MAGI2: variants seen among roughly 807,000 people sequenced by gnomAD.
MAGI2 encodes the protein membrane-associated guanylate kinase, WW and PDZ domain-containing protein 2.
MAGI2 carries 35 observed loss-of-function variants against 133.3 expected under a neutral mutation model. The observed-to-expected ratio is 0.26, with a 90% CI of 0.20 to 0.35. The LOEUF (loss-of-function observed/expected upper bound fraction) is 0.35. Ranked by LOEUF, MAGI2 falls within the 10% of genes least tolerant of loss-of-function variation. The pLI is 1.00. For synonymous variants in MAGI2, 729 were observed against 710.6 expected (o/e 1.03, Z -0.41); for missense variants, 1,636 against 1,863.4 (o/e 0.88, Z 2.25).
At chr7:78,814,443 C>T (rs1401589729) in intron 2 of MAGI2, among the ~76,000 whole-genome samples, 2 of 152,180 alleles carry the variant, frequency 1.3e-5, no homozygotes, top group Admixed American at 6.5e-5. Context: ...TTAGGATAAG[C>T]CTTCTGAGCT....
At chr7:78,211,755 A>G (rs1000061569) in intron 10 of MAGI2, among the ~76,000 whole-genome samples, 1 of 152,238 alleles carries the variant, frequency 6.6e-6, no homozygotes, top group Admixed American at 6.5e-5. Context: ...TCAACAATTT[A>G]TTGCCACAAC....
chr7:78,794,614 A>C (rs1208780630), intron 2 of MAGI2, among the ~76,000 whole-genome samples: 4 of 152,054 alleles, frequency 2.6e-5, no homozygotes, highest in African/African-American at 7.2e-5. Flanking sequence ...AAAAAAAAAA[A>C]AACAATCCAA....
At chr7:78,953,610 T>C (rs145052510) in intron 2 of MAGI2, among the ~76,000 whole-genome samples, 2 of 152,142 alleles carry the variant, frequency 1.3e-5, no homozygotes, top group African/African-American at 2.4e-5. Context: ...AATATGAAAG[T>C]ACATAAAAAG....
chr7:78,544,941 G>C (rs527964822), intron 3 of MAGI2, among the ~76,000 whole-genome samples: 7 of 151,660 alleles, frequency 4.6e-5, no homozygotes, highest in African/African-American at 1.5e-4. Flanking sequence ...TTACAGGCGT[G>C]AGCCACCGCA....
chr7:79,384,923 T>C (rs1844069681), intron 1 of MAGI2, among the ~76,000 whole-genome samples: 2 of 151,758 alleles, frequency 1.3e-5, no homozygotes. Flanking sequence ...AGTATACTAT[T>C]TCACAGATAG....
chr7:78,677,332 G>A (rs170416), intron 2 of MAGI2, among the ~76,000 whole-genome samples: 49,127 of 150,808 alleles, frequency 0.33, 8,721 homozygotes, highest in African/African-American at 0.46. Context: ...ATAAATGTAT[G>A]GAAGCCTATC....
intron 2 of MAGI2, among the ~76,000 whole-genome samples, chr7:78,744,402 C>A (rs1554551890): frequency 3.3e-5 from 5 of 152,152 alleles, no homozygotes; most frequent in Non-Finnish European, 7.4e-5. Flanking sequence ...TCCAGGAATT[C>A]CACATTTAGT....
At chr7:78,160,658 T>C (rs1431714161) in intron 15 of MAGI2, among the ~76,000 whole-genome samples, 1 of 152,210 alleles carries the variant, frequency 6.6e-6, no homozygotes, top group Non-Finnish European at 1.5e-5. Flanking sequence ...CATGATATGG[T>C]GCATAAGAAT....
intron 6 of MAGI2, among the ~76,000 whole-genome samples, chr7:78,474,918 A>G (rs981774516): frequency 1.3e-5 from 2 of 151,844 alleles, no homozygotes; most frequent in African/African-American, 4.8e-5. Context: ...ACTCACTTAA[A>G]CTATTGGAAA....
intron 2 of MAGI2, among the ~76,000 whole-genome samples, chr7:78,764,073 A>G (rs1175257174): frequency 6.6e-6 from 1 of 152,230 alleles, no homozygotes; most frequent in East Asian, 1.9e-4. Context: ...AGACCAGAGG[A>G]AAAGAATGTT....
At position 78,824,856 on chromosome 7, in the gene MAGI2, G is replaced by A. The variant is rs114291974; in HGVS notation, c.418+182234C>T. On this transcript the variant is annotated intron_variant, in intron 2 of 21. Coordinates refer to ENST00000354212, the MANE Select transcript of MAGI2 (RefSeq NM_012301.4). ...TGATAGACTGGATAAAGAAAATGTCGCATGTATACACCATAGAATACTATG... is the reference window on the plus strand; with the variant it reads ...TGATAGACTGGATAAAGAAAATGTCACATGTATACACCATAGAATACTATG... Among the ~76,000 whole-genome samples the A allele has an allele frequency of 2.7e-3, 405 of 152,198 alleles. 5 individuals are homozygous for A. Among genetic ancestry groups the A allele is most frequent in the African/African-American group, 9.3e-3 (387 of 41,512 alleles).
At chr7:79,058,112 G>A (rs866487485) in intron 1 of MAGI2, among the ~76,000 whole-genome samples, 1 of 151,942 alleles carries the variant, frequency 6.6e-6, no homozygotes, top group Non-Finnish European at 1.5e-5. Flanking sequence ...GGGGGAAGAA[G>A]AACAAAGAAG....
At chr7:78,336,356 G>A (rs1463311695) in intron 9 of MAGI2, among the ~76,000 whole-genome samples, 1 of 152,152 alleles carries the variant, frequency 6.6e-6, no homozygotes, top group Non-Finnish European at 1.5e-5. Flanking sequence ...CAGAAGCACA[G>A]ATATAGAGGT....
chr7:79,289,267 C>G (rs1836271375), intron 1 of MAGI2, among the ~76,000 whole-genome samples: 1 of 152,132 alleles, frequency 6.6e-6, no homozygotes, highest in Non-Finnish European at 1.5e-5. Context: ...TTCTTGATCT[C>G]ATGCTCTCAT....
At chr7:79,451,703 T>C (rs2129208592) in intron 1 of MAGI2, among the ~76,000 whole-genome samples, 1 of 152,294 alleles carries the variant, frequency 6.6e-6, no homozygotes, top group Middle Eastern at 3.4e-3. Context: ...CGTAAAAGCA[T>C]TTCTTAGTAG....
At chr7:78,101,834 A>G (rs1583904650) in intron 20 of MAGI2, among the ~76,000 whole-genome samples, 3 of 152,346 alleles carry the variant, frequency 2.0e-5, no homozygotes, top group East Asian at 1.9e-4. Context: ...TTGAACTAGC[A>G]TATGATCCAG....
chr7:78,501,645 C>G lies in MAGI2; in HGVS notation c.897G>C (p.Glu299Asp). 1 of 1,614,162 alleles carries G rather than the reference C, an allele frequency of 6.2e-7. No individual in the cohort carries two copies. The highest frequency in any genetic ancestry group is 1.1e-5 in the South Asian group (1 of 91,080). The change falls in exon 5 of 22, where the codon GAG becomes GAC. Residue 299 changes from glutamate (E) to aspartate (D), a missense_variant. By Grantham distance (45) the Glu-to-Asp change is conservative (BLOSUM62 2). Transcript: ENST00000354212. ...DTKPTKPEDN[E>D]EPDPLPDNWE... ...AGTTATCAGGCAATGGGTCTGGTTC[C>G]TCATTGTCTTCAGGTTTAGTTGGCT...
chr7:78,499,385 C>A (rs1015329214), intron 5 of MAGI2, among the ~76,000 whole-genome samples: 1 of 152,140 alleles, frequency 6.6e-6, no homozygotes, highest in Non-Finnish European at 1.5e-5. Context: ...AAATTGTTGA[C>A]CAAGTGTTTA....
intron 1 of MAGI2, among the ~76,000 whole-genome samples, chr7:79,087,995 C>T (rs1816683095): frequency 6.6e-6 from 1 of 151,814 alleles, no homozygotes; most frequent in Non-Finnish European, 1.5e-5. Flanking sequence ...TGGTTCCATA[C>T]TAAATGTAAA....
Sources: gnomAD v4.1 joint callset for allele counts (sites outside exome capture counted in the v4.1 genomes callset) on GRCh38, gnomAD v4.1.1 for gene constraint, MANE v1.5 for transcripts, NCBI Gene and HGNC (gene_info 2026-07-23, HGNC 2026-07-21) for gene names.